GRID2: variants seen among roughly 807,000 people sequenced by gnomAD.
GRID2 encodes glutamate ionotropic receptor delta type subunit 2.
In GRID2, 33 loss-of-function variants were observed where a neutral mutation model predicts 114.8. The ratio of observed to expected loss-of-function variants is 0.29; its 90% confidence interval spans 0.22 to 0.38. The LOEUF is 0.38. Ranked by LOEUF, GRID2 falls within the 10% of genes least tolerant of loss-of-function variation. GRID2 has a pLI of 1.00. For missense variants in GRID2, 1,184 were observed against 1,257.7 expected (o/e 0.94, Z 0.89); for synonymous variants, 505 against 449.9 (o/e 1.12, Z -1.55).
rs574638577 is a variant in GRID2, at chr4:92,866,176, G to A, written c.245-218819G>A. Reference sequence around the variant, plus strand: ...GAGAGGAATATTGTGAGGAAGTGTTGTCAGAACTTCAGTAGGATTTTACAG... The same window carrying A: ...GAGAGGAATATTGTGAGGAAGTGTTATCAGAACTTCAGTAGGATTTTACAG... On this transcript the variant is annotated intron_variant, in intron 2 of 15. Transcript: ENST00000282020. Among the ~76,000 whole-genome samples the A allele has an allele frequency of 3.6e-4, 55 of 152,280 alleles. 1 individual carries two copies. Among genetic ancestry groups the A allele is most frequent in the Admixed American group, 2.2e-3 (33 of 15,288 alleles).
intron 13 of GRID2, among the ~76,000 whole-genome samples, chr4:93,521,496 T>G (rs1199225665): frequency 6.6e-6 from 1 of 151,972 alleles, no homozygotes; most frequent in Non-Finnish European, 1.5e-5. Flanking sequence ...GTTCAGAGGA[T>G]CAACTGTCTG....
At chr4:93,118,239 G>A (rs1733464847) in intron 4 of GRID2, among the ~76,000 whole-genome samples, 1 of 152,076 alleles carries the variant, frequency 6.6e-6, no homozygotes, top group African/African-American at 2.4e-5. Flanking sequence ...ACACTTTTCT[G>A]ATGGCCTCTG....
intron 14 of GRID2, among the ~76,000 whole-genome samples, chr4:93,646,387 G>A (rs982379093): frequency 3.9e-5 from 6 of 152,132 alleles, no homozygotes; most frequent in Admixed American, 1.3e-4. Context: ...TTGGGAACCA[G>A]CTGGGAGTGT....
chr4:92,458,126 C>CT (rs1480861044), intron 1 of GRID2, among the ~76,000 whole-genome samples: 2 of 152,072 alleles, frequency 1.3e-5, no homozygotes, highest in African/African-American at 4.8e-5. Context: ...ATGGTCATGT[C>CT]TTTTTTATTC....
chr4:92,731,127 G>T (rs1192149643), intron 2 of GRID2, among the ~76,000 whole-genome samples: 3 of 151,680 alleles, frequency 2.0e-5, no homozygotes, highest in Non-Finnish European at 4.4e-5. Context: ...ACCATCTATT[G>T]TTTACATTTA....
chr4:93,513,103 A>G (rs1158115107), intron 12 of GRID2, among the ~76,000 whole-genome samples: 2 of 152,154 alleles, frequency 1.3e-5, no homozygotes, highest in Non-Finnish European at 2.9e-5. Flanking sequence ...CCAAGGGCCC[A>G]ATCTTGTACT....
At chr4:92,480,948 T>C (rs1722558080) in intron 1 of GRID2, among the ~76,000 whole-genome samples, 1 of 152,166 alleles carries the variant, frequency 6.6e-6, no homozygotes, top group South Asian at 2.1e-4. Flanking sequence ...GTTCAGCTTT[T>C]AAAAGTACTC....
intron 2 of GRID2, among the ~76,000 whole-genome samples, chr4:93,079,680 C>T (rs1447949857): frequency 2.0e-5 from 3 of 151,934 alleles, no homozygotes; most frequent in Non-Finnish European, 4.4e-5. Flanking sequence ...AGCTTTTCTG[C>T]ACACGGTTGT....
chr4:93,444,186 T>C (rs1398182158), intron 10 of GRID2, among the ~76,000 whole-genome samples: 1 of 151,952 alleles, frequency 6.6e-6, no homozygotes, highest in African/African-American at 2.4e-5. Context: ...TTTCAGTATA[T>C]ATAATCAGGC....
intron 2 of GRID2, among the ~76,000 whole-genome samples, chr4:93,066,179 G>A (rs905438740): frequency 2.0e-5 from 3 of 151,842 alleles, no homozygotes; most frequent in African/African-American, 7.2e-5. Flanking sequence ...CTGACCAAAT[G>A]TCATTATCAA....
At chr4:92,913,185 A>G (rs1700953569) in intron 2 of GRID2, among the ~76,000 whole-genome samples, 1 of 151,854 alleles carries the variant, frequency 6.6e-6, no homozygotes, top group African/African-American at 2.4e-5. Flanking sequence ...TTTCATGATA[A>G]AAGTTTTGTG....
intron 2 of GRID2, among the ~76,000 whole-genome samples, chr4:92,980,583 T>C (rs1227509556): frequency 6.6e-6 from 1 of 152,104 alleles, no homozygotes; most frequent in African/African-American, 2.4e-5. Flanking sequence ...CTGTCATTTA[T>C]CAATTACCCT....
At chr4:93,193,638 A>G (rs1311705649) in intron 4 of GRID2, among the ~76,000 whole-genome samples, 1 of 152,214 alleles carries the variant, frequency 6.6e-6, no homozygotes, top group Non-Finnish European at 1.5e-5. Flanking sequence ...TTAGAGCAGC[A>G]TGAGTATGGA....
intron 2 of GRID2, among the ~76,000 whole-genome samples, chr4:92,913,728 G>C (rs769591786): frequency 6.6e-6 from 1 of 151,840 alleles, no homozygotes. Context: ...CTGGTTGAGA[G>C]AGAAAATTGT....
At chr4:93,124,861 A>G (rs1055388891) in intron 4 of GRID2, among the ~76,000 whole-genome samples, 2 of 152,184 alleles carry the variant, frequency 1.3e-5, no homozygotes, top group Admixed American at 6.5e-5. Flanking sequence ...ACCCTGTAGC[A>G]TATAAGAAGG....
intron 1 of GRID2, among the ~76,000 whole-genome samples, chr4:93,797,865 G>T (rs1425232846): frequency 6.7e-6 from 1 of 149,948 alleles, no homozygotes; most frequent in African/African-American, 2.4e-5. Context: ...AAAAAAAGAG[G>T]AGCAAGGCCA....
At chr4:93,745,904 C>T (rs146888610) in intron 14 of GRID2, among the ~76,000 whole-genome samples, 2 of 152,138 alleles carry the variant, frequency 1.3e-5, no homozygotes, top group Non-Finnish European at 2.9e-5. Flanking sequence ...AAAAGAAAAA[C>T]ATTAAACAAT....
rs377527471 is a variant in GRID2 at position 93,378,829 on chromosome 4, T to C, written c.1246-16778T>C. Among the ~76,000 whole-genome samples the C allele has an allele frequency of 9.9e-5, 15 of 152,254 alleles. No homozygotes were observed. The East Asian group carries it at 2.9e-3, about 29-fold the overall frequency. On this transcript the variant is annotated intron_variant, in intron 8 of 15. Coordinates refer to ENST00000282020, the MANE Select transcript of GRID2 (RefSeq NM_001510.4). ...TGTGACTTTGGAGAAAGGTTACAGT[T>C]TGTTTTTGCTGGGAGGAATAACTTC...
At chr4:92,977,295 C>T (rs191044828) in intron 2 of GRID2, among the ~76,000 whole-genome samples, 5 of 151,890 alleles carry the variant, frequency 3.3e-5, no homozygotes, top group Admixed American at 2.0e-4. Flanking sequence ...GATGGGAGAA[C>T]CGAAAAGCAA....
Sources: allele counts gnomAD v4.1 joint callset (sites outside exome capture counted in the v4.1 genomes callset), GRCh38; gene constraint gnomAD v4.1.1; transcripts MANE v1.5; gene names NCBI Gene and HGNC (gene_info 2026-07-23, HGNC 2026-07-21).